The following RGS12 variants were observed in gnomAD, a reference collection of about 807,000 sequenced individuals.
RGS12 encodes regulator of G protein signaling 12.
A neutral mutation model predicts 120.1 loss-of-function variants in RGS12; 66 were observed. The ratio of observed to expected loss-of-function variants is 0.55; its 90% CI spans 0.45 to 0.67. The LOEUF (loss-of-function observed/expected upper bound fraction) is 0.67. Among genes scored for constraint, RGS12 ranks in the 30% least tolerant of loss-of-function variants. The pLI is 0.00. For missense variants in RGS12, 1,859 were observed against 1,957.7 expected (o/e 0.95, Z 0.95); for synonymous variants, 827 against 804.7 (o/e 1.03, Z -0.47).
intron 2 of RGS12, among the ~76,000 whole-genome samples, chr4:3,337,559 A>G (rs1712612679): frequency 6.6e-6 from 1 of 152,220 alleles, no homozygotes; most frequent in African/African-American, 2.4e-5. Flanking sequence ...TACAACATGG[A>G]TGACCCTTGA....
In RGS12 at chr4:3,317,262, G is replaced by C; in HGVS notation, c.1092G>C (p.Thr364=). The change falls in exon 2 of 18, where the codon ACG becomes ACC. Residue 364 remains threonine, a synonymous_variant. Transcript: ENST00000336727. ...CTCGGCGGTTTGGGTTTGAGTGCAC[G>C]GCCGACCCAGACACCAATGGCTGTC... ...GIARRFGFEC[T]ADPDTNGCLE... 1 of 1,614,122 alleles carries C rather than the reference G, an allele frequency of 6.2e-7. No homozygotes were observed. Among genetic ancestry groups the C allele is most frequent in the Non-Finnish European group, 8.5e-7 (1 of 1,180,040 alleles).
At chr4:3,429,613 A>G (rs1238395127) in intron 16 of RGS12, among the ~76,000 whole-genome samples, 1 of 152,184 alleles carries the variant, frequency 6.6e-6, no homozygotes, top group African/African-American at 2.4e-5. Flanking sequence ...GACGCCATCT[A>G]CCTCGAATGG....
intron 13 of RGS12, 123 bp from the exon 14 acceptor site, chr4:3,425,341 C>A: frequency 3.5e-6 from 3 of 854,868 alleles, no homozygotes; most frequent in Non-Finnish European, 3.9e-6. Flanking sequence ...GGCCTCACCT[C>A]GGGGCCATCT....
chr4:3,295,057 C>T (rs908461717), intron 1 of RGS12, among the ~76,000 whole-genome samples: 1 of 151,970 alleles, frequency 6.6e-6, no homozygotes, highest in African/African-American at 2.4e-5. Flanking sequence ...CCCTTTCTGC[C>T]CTGTTTAGGA....
At chr4:3,376,958 T>G (rs1432212685) in intron 3 of RGS12, among the ~76,000 whole-genome samples, 1 of 152,102 alleles carries the variant, frequency 6.6e-6, no homozygotes, top group African/African-American at 2.4e-5. Context: ...GAAATATGAA[T>G]GATGAAATTT....
At position 3,420,632 on chromosome 4, in the gene RGS12, C is replaced by G; in HGVS notation, c.2762-10C>G. The G allele has an allele frequency of 1.2e-6, 2 of 1,613,380 alleles. No individual in the cohort carries two copies. Among genetic ancestry groups the G allele is most frequent in the Non-Finnish European group, 1.7e-6 (2 of 1,179,812 alleles). On this transcript the variant is annotated splice_polypyrimidine_tract_variant and intron_variant, in intron 9 of 17. Coordinates refer to ENST00000336727, the MANE Select transcript of RGS12 (RefSeq NM_001394154.1). The stretch of plus-strand genomic sequence containing the variant: ...TGATTGACGTGAGTCACTGTGTTTC[C>G]CCTGTCAAGACGCCCTGCATGCCAA...
the RGS12 span, among the ~76,000 whole-genome samples, chr4:3,287,221 A>G: frequency 6.6e-6 from 1 of 152,236 alleles, no homozygotes; most frequent in African/African-American, 2.4e-5. Flanking sequence ...GGACTCGAAG[A>G]GCAACATTTA....
intron 17 of RGS12, among the ~76,000 whole-genome samples, chr4:3,437,568 C>T (rs998060455): frequency 3.3e-5 from 5 of 152,176 alleles, no homozygotes; most frequent in African/African-American, 1.2e-4. Context: ...AGGAGATGGG[C>T]AGAACTGTCC....
In RGS12 at chr4:3,428,707, A is replaced by G. The variant is rs1378148757; in HGVS notation, c.3561A>G (p.Ala1187=). 3 of 1,590,502 alleles carry G rather than the reference A, an allele frequency of 1.9e-6. No individual in the cohort carries two copies. Among genetic ancestry groups the G allele is most frequent in the East Asian group, 2.2e-5 (1 of 44,762 alleles). ...ATCAGAAAATTAATTTGGACGAAGC[A>G]GAGGGTATGTGAACTTTTTAAAACT... ...KKYQKINLDE[A]EEFFELISKA... The change falls in exon 16 of 18, where the codon GCA becomes GCG. Residue 1187 remains alanine, a synonymous_variant. Transcript: ENST00000336727.
At position 3,343,023 on chromosome 4, in the gene RGS12, C is replaced by T; in HGVS notation, c.1968C>T (p.Phe656=). 1 of 1,611,970 alleles carries T rather than the reference C, an allele frequency of 6.2e-7. No homozygotes were observed. Among genetic ancestry groups the T allele is most frequent in the African/African-American group, 1.3e-5 (1 of 74,988 alleles). ...GATCATTTGGGAGATCCAAGAGATTCAGTATCACTCGCTCCCTTGATGATC... is the reference window on the plus strand; with the variant it reads ...GATCATTTGGGAGATCCAAGAGATTTAGTATCACTCGCTCCCTTGATGATC... ...ARRSFGRSKR[F]SITRSLDDLE... Residue 656 remains phenylalanine (F), a synonymous_variant, in exon 3 of 18, where the codon TTC becomes TTT. Coordinates refer to ENST00000336727, the MANE Select transcript of RGS12 (RefSeq NM_001394154.1).
chr4:3,381,916 G>T (rs1489052366), intron 3 of RGS12, among the ~76,000 whole-genome samples: 2 of 152,148 alleles, frequency 1.3e-5, no homozygotes, highest in Admixed American at 6.5e-5. Context: ...AATATACCTG[G>T]GAGTGAGAGA....
chr4:3,366,459 G>A lies in RGS12; in HGVS notation c.1999-19957G>A, dbSNP rs957887789. ...GCTCTGCAGATGTCTCCCGGGCACAGTCAGCAGAGGCGCTCCTCCAGTTCC... is the reference window on the plus strand; with the variant it reads ...GCTCTGCAGATGTCTCCCGGGCACAATCAGCAGAGGCGCTCCTCCAGTTCC... On this transcript the variant is annotated intron_variant, in intron 3 of 17. Coordinates refer to ENST00000336727, the MANE Select transcript of RGS12 (RefSeq NM_001394154.1). This position sits in a 1 kb window ranked among gnomAD's most constrained non-coding sequence, Gnocchi z 4.0. 2.6e-5 allele frequency among the ~76,000 whole-genome samples: 4 copies of A among 152,168 alleles called. No individual in the cohort carries two copies. The highest frequency in any genetic ancestry group is 9.7e-5 in the African/African-American group (4 of 41,432).
Position 3,318,062 on chromosome 4 carries a change from C to T in RGS12, c.1881+11C>T, listed in dbSNP as rs1560658086. On this transcript the variant is annotated intron_variant, in intron 2 of 17. Transcript: ENST00000336727. ...AAGGAAGATAAAAAGGTAAGCCTGC[C>T]AGGAGCCACTCAGCGCGGAGGCCCG... is the stretch of plus-strand genomic sequence containing the variant. 1 of 1,588,086 alleles carries T rather than the reference C, an allele frequency of 6.3e-7. No homozygotes were observed. The highest frequency in any genetic ancestry group is 8.6e-7 in the Non-Finnish European group (1 of 1,165,776).
At chr4:3,350,988 A>C (rs1560105918) in intron 3 of RGS12, among the ~76,000 whole-genome samples, 1 of 151,840 alleles carries the variant, frequency 6.6e-6, no homozygotes, top group Non-Finnish European at 1.5e-5. Flanking sequence ...ATATAGTTGG[A>C]TCAAATTATA....
intron 1 of RGS12, among the ~76,000 whole-genome samples, chr4:3,313,631 C>T (rs1000039517): frequency 2.0e-5 from 3 of 152,174 alleles, no homozygotes; most frequent in Admixed American, 6.6e-5. Flanking sequence ...GCAGGTGTGG[C>T]AGAGCTGGTT....
intron 4 of RGS12, among the ~76,000 whole-genome samples, chr4:3,387,613 G>A (rs776119759): frequency 6.6e-6 from 1 of 152,208 alleles, no homozygotes; most frequent in Non-Finnish European, 1.5e-5. Flanking sequence ...CCTATTTTAT[G>A]TACAATGAAA....
At chr4:3,296,059 C>G (rs561374280) in intron 1 of RGS12, among the ~76,000 whole-genome samples, 1 of 148,914 alleles carries the variant, frequency 6.7e-6, no homozygotes, top group African/African-American at 2.6e-5. Context: ...CCGTTCACCC[C>G]CCTGGTCAGC....
At chr4:3,291,731 CTCTT>C (rs561062840), upstream of RGS12, among the ~76,000 whole-genome samples, 434 of 152,298 alleles carry the variant, frequency 2.8e-3, 3 homozygotes, top group African/African-American at 9.7e-3. Context: ...GTATCTCTCT[CTCTT>C]TGTCTGGCTT....
At chr4:3,375,874 G>T (rs539456005) in intron 3 of RGS12, among the ~76,000 whole-genome samples, 1 of 152,230 alleles carries the variant, frequency 6.6e-6, no homozygotes, top group African/African-American at 2.4e-5. Flanking sequence ...CTTGCGGGGG[G>T]TTGGCACTGA....
Sources: gnomAD v4.1 joint callset for allele counts (sites outside exome capture counted in the v4.1 genomes callset) on GRCh38, gnomAD v4.1.1 for gene constraint, Gnocchi (gnomAD v3.1) non-coding constraint, MANE v1.5 for transcripts, NCBI Gene and HGNC (gene_info 2026-07-23, HGNC 2026-07-21) for gene names.